CFAP54: variants seen among roughly 807,000 people sequenced by gnomAD.
The protein encoded by CFAP54 is cilia and flagella associated protein 54.
CFAP54 carries 290 observed loss-of-function variants against 370.4 expected under a neutral mutation model. That is an observed-to-expected ratio of 0.78 (90% confidence interval 0.71 to 0.86). CFAP54 has a LOEUF of 0.86. Among genes scored for constraint, CFAP54 ranks in the 40% least tolerant of loss-of-function variants. CFAP54 has a pLI of 0.00. For missense variants in CFAP54, 3,399 were observed against 3,528.7 expected, an observed-to-expected ratio of 0.96 and a Z score of 0.93; for synonymous variants, 1,206 against 1,236.5, an observed-to-expected ratio of 0.98 and a Z score of 0.52.
In CFAP54 at chr12:96,545,630, G is replaced by A. The variant is rs557019932; in HGVS notation, c.2078-2272G>A. Reference sequence around the variant, plus strand: ...CTCCGTGACCCAGTCATCTCTTATGGGATCCATCTCTCAATACCGCCACAT... The same window carrying A: ...CTCCGTGACCCAGTCATCTCTTATGAGATCCATCTCTCAATACCGCCACAT... On this transcript the variant is annotated intron_variant, in intron 14 of 67. Transcript: ENST00000524981. Among the ~76,000 whole-genome samples, 4 of 152,274 alleles carry A rather than the reference G, an allele frequency of 2.6e-5. No individual in the cohort carries two copies. In the South Asian group the frequency reaches 8.3e-4, roughly 32 times the overall value.
At chr12:96,507,495 AT>A (rs1258290341) in intron 4 of CFAP54, among the ~76,000 whole-genome samples, 1 of 151,110 alleles carries the variant, frequency 6.6e-6, no homozygotes, top group Non-Finnish European at 1.5e-5. Context: ...TCCTACTTTT[AT>A]TTTGAGTGAG....
At chr12:96,779,266 T>G (rs1225933431) in intron 60 of CFAP54, among the ~76,000 whole-genome samples, 1 of 152,196 alleles carries the variant, frequency 6.6e-6, no homozygotes, top group East Asian at 1.9e-4. Flanking sequence ...CAACCTCTTT[T>G]CCTTCTGATT....
chr12:96,693,885 A>G, intron 45 of CFAP54, 77 bp downstream of exon 45: 1 of 872,698 alleles, frequency 1.1e-6, no homozygotes, highest in Non-Finnish European at 1.8e-6. Context: ...TGATTCTAGG[A>G]CTTATAATAA....
At chr12:96,671,075 C>T (rs928882668) in intron 39 of CFAP54, among the ~76,000 whole-genome samples, 7 of 152,232 alleles carry the variant, frequency 4.6e-5, no homozygotes, top group African/African-American at 1.7e-4. Flanking sequence ...TGGGTTCAAG[C>T]GATTCTCCTG....
At chr12:96,679,490 A>C (rs1957246894) in intron 39 of CFAP54, 110 bp from the exon 40 acceptor site, 1 of 1,153,158 alleles carries the variant, frequency 8.7e-7, no homozygotes, top group African/African-American at 1.6e-5. Flanking sequence ...CTTTGAATTT[A>C]GCGGCTTTAG....
intron 66 of CFAP54, among the ~76,000 whole-genome samples, chr12:96,851,945 T>C (rs1434048487): frequency 6.6e-6 from 1 of 152,086 alleles, no homozygotes; most frequent in African/African-American, 2.4e-5. Context: ...GCTTTCATTA[T>C]TCACAGACAT....
intron 67 of CFAP54, among the ~76,000 whole-genome samples, chr12:96,874,687 T>C (rs1168244068): frequency 2.3e-3 from 285 of 122,466 alleles, no homozygotes; most frequent in South Asian, 5.1e-3. Flanking sequence ...TGGAGTGCAG[T>C]GGCGCGATCT....
chr12:96,498,732 A>C (rs796363820), intron 1 of CFAP54, among the ~76,000 whole-genome samples: 3 of 152,312 alleles, frequency 2.0e-5, no homozygotes, highest in African/African-American at 7.2e-5. Context: ...GATGAGTTTG[A>C]ATATACATTA....
At chr12:96,516,754 G>A (rs1479162908) in intron 5 of CFAP54, among the ~76,000 whole-genome samples, 2 of 152,132 alleles carry the variant, frequency 1.3e-5, no homozygotes, top group Admixed American at 6.5e-5. Context: ...AAACTGAAAT[G>A]GTTTGACAAC....
chr12:96,581,424 G>A (rs1468848330), intron 22 of CFAP54, among the ~76,000 whole-genome samples: 1 of 152,102 alleles, frequency 6.6e-6, no homozygotes, highest in Non-Finnish European at 1.5e-5. Context: ...CAGAGTAGCA[G>A]AGTTCTTACC....
intron 15 of CFAP54, among the ~76,000 whole-genome samples, chr12:96,553,439 G>A (rs1189193631): frequency 6.7e-6 from 1 of 149,782 alleles, no homozygotes; most frequent in Admixed American, 6.7e-5. Context: ...GCTACCTCTG[G>A]GGCAGAGAAG....
chr12:96,501,282 CTGT>C (rs1955023674), intron 2 of CFAP54: 3 of 166,036 alleles, frequency 1.8e-5, no homozygotes, highest in African/African-American at 7.2e-5. Context: ...ACACCACTTC[CTGT>C]TGTTTTTCAT....
At chr12:96,622,714 TAG>T in intron 27 of CFAP54, among the ~76,000 whole-genome samples, 1 of 152,158 alleles carries the variant, frequency 6.6e-6, no homozygotes, top group South Asian at 2.1e-4. Context: ...TGGGTGGGAG[TAG>T]AGACTCTCAT....
intron 24 of CFAP54, among the ~76,000 whole-genome samples, chr12:96,593,516 G>T (rs1036703053): frequency 6.6e-6 from 1 of 152,190 alleles, no homozygotes; most frequent in African/African-American, 2.4e-5. Context: ...ATCTCAACCT[G>T]TTCCTACTAA....
chr12:96,569,831 G>T (rs1037922230), intron 19 of CFAP54, among the ~76,000 whole-genome samples: 11 of 152,058 alleles, frequency 7.2e-5, no homozygotes, highest in Non-Finnish European at 1.2e-4. Flanking sequence ...TTTATTTCTT[G>T]ATATCCCCTA....
chr12:96,738,638 G>T (rs1958010079), intron 50 of CFAP54, among the ~76,000 whole-genome samples: 2 of 145,414 alleles, frequency 1.4e-5, no homozygotes, highest in Middle Eastern at 3.2e-3. Context: ...TTGAAACGGG[G>T]TCTCACTCTG....
chr12:96,510,252 CAAAAA>C (rs199654204), intron 4 of CFAP54, among the ~76,000 whole-genome samples: 3 of 88,422 alleles, frequency 3.4e-5, no homozygotes, highest in Admixed American at 1.2e-4. Flanking sequence ...GACTCCATCT[CAAAAA>C]AAAAAAAAAA....
chr12:96,503,349 G>C lies in CFAP54; in HGVS notation c.424-537G>C, dbSNP rs138723973. ...CCCTTCTTTCCCTTCCTTCCTTCCTGCCTTCCTCCCTCCCTCTCTCCCTTC... is the reference window on the plus strand; with the variant it reads ...CCCTTCTTTCCCTTCCTTCCTTCCTCCCTTCCTCCCTCCCTCTCTCCCTTC... On this transcript the variant is annotated intron_variant, in intron 2 of 67. Transcript: ENST00000524981. Among the ~76,000 whole-genome samples the C allele has an allele frequency of 9.1e-4, 90 of 98,836 alleles. 1 individual carries two copies. The East Asian group carries it at 0.021, about 24-fold the overall frequency. The allele number at this position is 98,836 out of a possible 152,430, so 64.8% of individuals were successfully genotyped here. A position where few individuals can be genotyped will look rare whatever the true frequency, so the allele number is the denominator to read the frequency against.
intron 26 of CFAP54, among the ~76,000 whole-genome samples, chr12:96,605,638 ACCT>A (rs1956291673): frequency 1.3e-5 from 2 of 152,130 alleles, no homozygotes; most frequent in African/African-American, 4.8e-5. Context: ...ATTTACGATT[ACCT>A]ATTTGTGTCA....
Sources: allele counts gnomAD v4.1 joint callset (sites outside exome capture counted in the v4.1 genomes callset), GRCh38; gene constraint gnomAD v4.1.1; transcripts MANE v1.5; gene names NCBI Gene and HGNC (gene_info 2026-07-23, HGNC 2026-07-21).